Variants in SNX17 observed in about 807,000 individuals in gnomAD.
SNX17 encodes the protein sorting nexin-17.
In SNX17, 35 loss-of-function variants were observed where a neutral mutation model predicts 64.3. The observed-to-expected ratio is 0.54, with a 90% confidence interval of 0.42 to 0.72. SNX17 has a LOEUF of 0.72. Among genes scored for constraint, SNX17 ranks in the 30% least tolerant of loss-of-function variants. The pLI is 0.00. For synonymous variants in SNX17, 259 were observed against 230.2 expected, an observed-to-expected ratio of 1.13 and a Z score of -1.13; for missense variants, 538 against 610.0, an observed-to-expected ratio of 0.88 and a Z score of 1.24.
At position 27,377,089 on chromosome 2, in the gene SNX17, C is replaced by T. The variant is rs1421404363; in HGVS notation, c.*370C>T. ...GGGCAGAGGTCTGTGTTTGGTCTGG[C>T]CCAGTTCCCCATCATTAAACTCAGC... On this transcript the variant is annotated 3_prime_UTR_variant, in exon 15 of 15. Coordinates refer to ENST00000233575, the MANE Select transcript of SNX17 (RefSeq NM_014748.4). The surrounding 1 kb of genome is among the most constrained non-coding windows in gnomAD (Gnocchi z 4.4). 2.5e-6 allele frequency: 1 copy of T among 406,606 alleles called. No individual in the cohort carries two copies. Among genetic ancestry groups the T allele is most frequent in the East Asian group, 5.7e-5 (1 of 17,674 alleles). 25.2% of individuals were successfully genotyped at this position (406,606 alleles called of 1,614,324 possible). A position where few individuals can be genotyped will look rare whatever the true frequency, so the allele number is the denominator to read the frequency against.
chr2:27,371,564 G>C, intron 2 of SNX17: 1 of 996,030 alleles, frequency 1.0e-6, no homozygotes, highest in Non-Finnish European at 1.3e-6. Flanking sequence ...TTATATTCTG[G>C]TTTTCTGTCC....
At chr2:27,374,477 TG>T (rs775099305) in intron 7 of SNX17, 44 bp downstream of exon 7, 2 of 1,538,650 alleles carry the variant, frequency 1.3e-6, no homozygotes, top group African/African-American at 1.4e-5. Context: ...GGTGCTGTGC[TG>T]GATTGGATTA....
chr2:27,373,808 G>T, intron 4 of SNX17, 53 bp from the exon 5 acceptor site: 1 of 1,392,114 alleles, frequency 7.2e-7, no homozygotes, highest in Non-Finnish European at 1.0e-6. Flanking sequence ...TTGGGCATAG[G>T]TCAAGGCAAG....
Position 27,377,170 on chromosome 2 carries a change from CATGGACT to C in SNX17, c.*453_*459del, listed in dbSNP as rs370307370. ...ACTGCCCCTGCTTCCCCCATCACAGCATGGACTACTATGCTAAGGGTAAGGCCAAATT... is the reference window on the plus strand; with the variant it reads ...ACTGCCCCTGCTTCCCCCATCACAGCACTATGCTAAGGGTAAGGCCAAATT... On this transcript the variant is annotated 3_prime_UTR_variant, in exon 15 of 15. Transcript: ENST00000233575. The surrounding 1 kb of genome is among the most constrained non-coding windows in gnomAD (Gnocchi z 4.4). The C allele has an allele frequency of 7.3e-4, 321 of 436,842 alleles. 1 individual carries two copies. Among genetic ancestry groups the C allele is most frequent in the African/African-American group, 4.5e-3 (226 of 49,958 alleles). The allele number at this position is 436,842 out of a possible 1,614,324, so 27.1% of individuals were successfully genotyped here. A position where few individuals can be genotyped will look rare whatever the true frequency, so the allele number is the denominator to read the frequency against.
Position 27,375,002 on chromosome 2 carries a change from C to T in SNX17, c.682-59C>T, listed in dbSNP as rs765218751. On this transcript the variant is annotated intron_variant, in intron 8 of 14. Coordinates refer to ENST00000233575, the MANE Select transcript of SNX17 (RefSeq NM_014748.4). The surrounding 1 kb of genome is among the most constrained non-coding windows in gnomAD (Gnocchi z 4.1). Reference sequence around the variant, plus strand: ...CAGGCTGGACAGAGGTAATGGTAGACGCTTTCCTTGGATTGCTGACTGGGA... The same window carrying T: ...CAGGCTGGACAGAGGTAATGGTAGATGCTTTCCTTGGATTGCTGACTGGGA... 3.1e-5 allele frequency: 46 copies of T among 1,489,120 alleles called. No homozygotes were observed. In the Middle Eastern group the frequency reaches 1.7e-3, roughly 56 times the overall value. The allele number at this position is 1,489,120 out of a possible 1,614,324, so 92.2% of individuals were successfully genotyped here. A position where few individuals can be genotyped will look rare whatever the true frequency, so the allele number is the denominator to read the frequency against.
rs1683203806 is a variant in SNX17, at chr2:27,376,236, T to C, written c.1182+53T>C. The C allele has an allele frequency of 9.9e-6, 16 of 1,612,910 alleles. No individual in the cohort carries two copies. In the South Asian group the frequency reaches 1.6e-4, roughly 17 times the overall value. On this transcript the variant is annotated intron_variant, in intron 12 of 14. Coordinates refer to ENST00000233575, the MANE Select transcript of SNX17 (RefSeq NM_014748.4). ...GAGCAGGTGTGCTCCCCTTGCCTTT[T>C]GTCCTAGATGTGAGGCTTGTCTTGA...
Position 27,377,096 on chromosome 2 carries a change from C to T in SNX17, c.*377C>T, listed in dbSNP as rs1683326371. 3 of 406,058 alleles carry T rather than the reference C, an allele frequency of 7.4e-6. No homozygotes were observed. In the East Asian group the frequency reaches 1.7e-4, roughly 23 times the overall value. 25.2% of individuals were successfully genotyped at this position (406,058 alleles called of 1,614,324 possible). A position where few individuals can be genotyped will look rare whatever the true frequency, so the allele number is the denominator to read the frequency against. ...GGTCTGTGTTTGGTCTGGCCCAGTT[C>T]CCCATCATTAAACTCAGCCTGACTG... On this transcript the variant is annotated 3_prime_UTR_variant, in exon 15 of 15. Coordinates refer to ENST00000233575, the MANE Select transcript of SNX17 (RefSeq NM_014748.4). The surrounding 1 kb of genome is among the most constrained non-coding windows in gnomAD (Gnocchi z 4.4).
At chr2:27,371,432 C>A (rs553445091) in intron 2 of SNX17, 89 bp downstream of exon 2, 17 of 1,498,058 alleles carry the variant, frequency 1.1e-5, no homozygotes, top group Admixed American at 2.3e-5. Flanking sequence ...CTTCTTGTTC[C>A]CGTAGGCTGT....
rs766725794 is a variant in SNX17, at chr2:27,376,351, A to G, written c.1221A>G (p.Ser407=). The change falls in exon 13 of 15, where the codon TCA becomes TCG. Residue 407 remains serine (S), a synonymous_variant. Coordinates refer to ENST00000233575, the MANE Select transcript of SNX17 (RefSeq NM_014748.4). ...GGGTGGGGGGTACTCTGAGACGCTC[A>G]GACAGCCAGCAAGCAGTGAAGTCCC... ...RRRVGGTLRR[S]DSQQAVKSPP... 3.1e-6 allele frequency: 5 copies of G among 1,612,644 alleles called. No individual in the cohort carries two copies. Among genetic ancestry groups the G allele is most frequent in the Admixed American group, 1.7e-5 (1 of 59,972 alleles).
In SNX17 at chr2:27,375,594, T is replaced by C; in HGVS notation, c.863T>C (p.Val288Ala). Reference sequence around the variant, plus strand: ...GACTTCCCAGAAAAGGACTGTCCTGTGGTGGTGAGCGCGGGCAACAGTGAG... The same window carrying C: ...GACTTCCCAGAAAAGGACTGTCCTGCGGTGGTGAGCGCGGGCAACAGTGAG... ...VADFPEKDCPVVVSAGNSELS... is the reference protein window; with the variant it reads ...VADFPEKDCPAVVSAGNSELS... The change falls in exon 10 of 15, where the codon GTG becomes GCG. Residue 288 changes from valine (V) to alanine (A), a missense_variant. By Grantham distance (64) the Val-to-Ala change is moderately conservative (BLOSUM62 0). Transcript: ENST00000233575. The surrounding 1 kb of genome is among the most constrained non-coding windows in gnomAD (Gnocchi z 4.1). The C allele has an allele frequency of 2.5e-6, 4 of 1,614,124 alleles. No individual in the cohort carries two copies. Among genetic ancestry groups the C allele is most frequent in the Middle Eastern group, 1.6e-4 (1 of 6,062 alleles).
Position 27,376,367 on chromosome 2 carries a change from G to A in SNX17, c.1237G>A (p.Val413Met), listed in dbSNP as rs755622174. ...GAGACGCTCAGACAGCCAGCAAGCA[G>A]TGAAGTCCCCACCACTGCTTGTAAG... Reference protein sequence around the residue: ...TLRRSDSQQAVKSPPLLESPD... With the variant: ...TLRRSDSQQAMKSPPLLESPD... Residue 413 changes from valine to methionine, a missense_variant, in exon 13 of 15, where the codon GTG becomes ATG. Transcript: ENST00000233575. 1.9e-6 allele frequency: 3 copies of A among 1,613,604 alleles called. No individual in the cohort carries two copies. Among genetic ancestry groups the A allele is most frequent in the East Asian group, 4.5e-5 (2 of 44,842 alleles).
chr2:27,375,004 C>A lies in SNX17; in HGVS notation c.682-57C>A. The A allele has an allele frequency of 6.6e-7, 1 of 1,511,560 alleles. No homozygotes were observed. Among genetic ancestry groups the A allele is most frequent in the Non-Finnish European group, 9.2e-7 (1 of 1,086,962 alleles). 93.6% of individuals were successfully genotyped at this position (1,511,560 alleles called of 1,614,324 possible). On this transcript the variant is annotated intron_variant, in intron 8 of 14. Coordinates refer to ENST00000233575, the MANE Select transcript of SNX17 (RefSeq NM_014748.4). The surrounding 1 kb of genome is among the most constrained non-coding windows in gnomAD (Gnocchi z 4.1). ...GGCTGGACAGAGGTAATGGTAGACG[C>A]TTTCCTTGGATTGCTGACTGGGACC... is the stretch of plus-strand genomic sequence containing the variant.
At chr2:27,371,651 C>T (rs140863612) in intron 2 of SNX17, 9 of 268,964 alleles carry the variant, frequency 3.3e-5, no homozygotes, top group Non-Finnish European at 5.6e-5. Context: ...CCCAGGCTGT[C>T]AAAGCACATT....
chr2:27,374,777 C>G lies in SNX17; in HGVS notation c.681+19C>G, dbSNP rs1268263085. 9 of 1,611,268 alleles carry G rather than the reference C, an allele frequency of 5.6e-6. No homozygotes were observed. The Admixed American group carries it at 6.7e-5, about 12-fold the overall frequency. ...TGCTCAGGTGAGCTTGGAGCTGCCTCAGAACCCTTCCCCTGAAGAAAATAA... is the reference window on the plus strand; with the variant it reads ...TGCTCAGGTGAGCTTGGAGCTGCCTGAGAACCCTTCCCCTGAAGAAAATAA... On this transcript the variant is annotated intron_variant, in intron 8 of 14. Transcript: ENST00000233575.
Position 27,375,370 on chromosome 2 carries a change from C to A in SNX17, c.775-136C>A. 1 of 948,286 alleles carries A rather than the reference C, an allele frequency of 1.1e-6. No individual in the cohort carries two copies. The highest frequency in any genetic ancestry group is 1.6e-6 in the Non-Finnish European group (1 of 620,322). 58.7% of individuals were successfully genotyped at this position (948,286 alleles called of 1,614,324 possible). A position where few individuals can be genotyped will look rare whatever the true frequency, so the allele number is the denominator to read the frequency against. ...AGCCAGGATGGTCTTGAGCTCCTGA[C>A]CTTGTGATCTGTCTGCCTCTGCCTC... On this transcript the variant is annotated intron_variant, in intron 9 of 14. Coordinates refer to ENST00000233575, the MANE Select transcript of SNX17 (RefSeq NM_014748.4). This position sits in a 1 kb window ranked among gnomAD's most constrained non-coding sequence, Gnocchi z 4.1.
At position 27,375,458 on chromosome 2, in the gene SNX17, G is replaced by A. The variant is rs778950794; in HGVS notation, c.775-48G>A. 1.2e-6 allele frequency: 2 copies of A among 1,606,796 alleles called. No individual in the cohort carries two copies. Among genetic ancestry groups the A allele is most frequent in the Admixed American group, 1.7e-5 (1 of 59,992 alleles). The stretch of plus-strand genomic sequence containing the variant: ...CGACCGGGGTTGCTTTTTCTGAGCT[G>A]CCCCATTCTCCCTCCTAATCTACCC... On this transcript the variant is annotated intron_variant, in intron 9 of 14. Coordinates refer to ENST00000233575, the MANE Select transcript of SNX17 (RefSeq NM_014748.4). The surrounding 1 kb of genome is among the most constrained non-coding windows in gnomAD (Gnocchi z 4.1).
rs1343823046 is a variant in SNX17 at position 27,375,332 on chromosome 2, G to A, written c.775-174G>A. Among the ~76,000 whole-genome samples, 3 of 152,174 alleles carry A rather than the reference G, an allele frequency of 2.0e-5. No homozygotes were observed. Among genetic ancestry groups the A allele is most frequent in the Admixed American group, 6.5e-5 (1 of 15,272 alleles). ...TTTTTGTATTTTTGGGAGAGACAGGGTTTCACCATGTTAGCCAGGATGGTC... is the reference window on the plus strand; with the variant it reads ...TTTTTGTATTTTTGGGAGAGACAGGATTTCACCATGTTAGCCAGGATGGTC... On this transcript the variant is annotated intron_variant, in intron 9 of 14. Transcript: ENST00000233575. The surrounding 1 kb of genome is among the most constrained non-coding windows in gnomAD (Gnocchi z 4.1).
chr2:27,370,740 G>T lies in SNX17; in HGVS notation c.-4G>T. On this transcript the variant is annotated 5_prime_UTR_variant, in exon 1 of 15. Transcript: ENST00000233575. ...GAGCCCGGCCGTGCCGTGCCGTAGG[G>T]AACATGCACTTTTCCATTCCCGAAA... 6.5e-7 allele frequency: 1 copy of T among 1,549,254 alleles called. No homozygotes were observed. Among genetic ancestry groups the T allele is most frequent in the South Asian group, 1.2e-5 (1 of 83,920 alleles).
Position 27,375,408 on chromosome 2 carries a change from G to A in SNX17, c.775-98G>A. 5 of 1,281,546 alleles carry A rather than the reference G, an allele frequency of 3.9e-6. No individual in the cohort carries two copies. Among genetic ancestry groups the A allele is most frequent in the Non-Finnish European group, 5.6e-6 (5 of 896,986 alleles). 79.4% of individuals were successfully genotyped at this position (1,281,546 alleles called of 1,614,324 possible). A position where few individuals can be genotyped will look rare whatever the true frequency, so the allele number is the denominator to read the frequency against. On this transcript the variant is annotated intron_variant, in intron 9 of 14. Transcript: ENST00000233575. The surrounding 1 kb of genome is among the most constrained non-coding windows in gnomAD (Gnocchi z 4.1). ...CTGCCTCTGCCTCCTAAAGTGCTGG[G>A]ATTATAGGCATGAGCCACCGCGCCC...
Sources: gnomAD v4.1 joint callset for allele counts (sites outside exome capture counted in the v4.1 genomes callset) on GRCh38, gnomAD v4.1.1 for gene constraint, Gnocchi (gnomAD v3.1) non-coding constraint, MANE v1.5 for transcripts, NCBI Gene and HGNC (gene_info 2026-07-23, HGNC 2026-07-21) for gene names.